Variants in ARHGEF4 observed in about 807,000 individuals in gnomAD.
The protein encoded by ARHGEF4 is Rho guanine nucleotide exchange factor 4, also known as APC-stimulated guanine nucleotide exchange factor 1.
A neutral mutation model predicts 162.0 loss-of-function variants in ARHGEF4; 119 were observed. The observed-to-expected ratio is 0.73, with a 90% CI of 0.63 to 0.86. ARHGEF4 has a LOEUF of 0.86. ARHGEF4 is among the 40% of genes least tolerant of loss of function. The pLI, the probability that ARHGEF4 is intolerant of heterozygous loss-of-function variation, is 0.00. For synonymous variants in ARHGEF4, 1,014 were observed against 979.9 expected (o/e 1.03, Z -0.65); for missense variants, 2,488 against 2,456.0 (o/e 1.01, Z -0.28).
chr2:130,937,583 A>C (rs1683036751), intron 3 of ARHGEF4, among the ~76,000 whole-genome samples: 1 of 152,060 alleles, frequency 6.6e-6, no homozygotes, highest in South Asian at 2.1e-4. Context: ...TCTAGTAAGA[A>C]GACCCTGTGC....
intron 5 of ARHGEF4, among the ~76,000 whole-genome samples, chr2:131,034,193 T>C (rs1690062550): frequency 6.6e-6 from 1 of 152,176 alleles, no homozygotes; most frequent in Non-Finnish European, 1.5e-5. Context: ...GGAACTCTTC[T>C]TGCTCCAGGA....
intron 4 of ARHGEF4, among the ~76,000 whole-genome samples, chr2:130,981,760 G>A (rs1686138371): frequency 6.6e-6 from 1 of 151,972 alleles, no homozygotes; most frequent in Non-Finnish European, 1.5e-5. Flanking sequence ...GTTACCCAGA[G>A]TCAAGAAAAC....
At chr2:130,893,893 G>A (rs1680005403) in intron 1 of ARHGEF4, among the ~76,000 whole-genome samples, 1 of 152,212 alleles carries the variant, frequency 6.6e-6, no homozygotes, top group South Asian at 2.1e-4. Flanking sequence ...CTTGTGCCTG[G>A]GAAGAGACAA....
At chr2:131,015,919 C>T (rs1244514802) in intron 4 of ARHGEF4, among the ~76,000 whole-genome samples, 2 of 152,258 alleles carry the variant, frequency 1.3e-5, no homozygotes, top group East Asian at 3.8e-4. Context: ...TAGGGCCACA[C>T]CCGGACACGT....
In ARHGEF4 at chr2:131,046,360, T is replaced by C. The variant is rs946335697; in HGVS notation, c.*171T>C. 1.5e-6 allele frequency: 1 copy of C among 689,310 alleles called. No individual in the cohort carries two copies. Among genetic ancestry groups the C allele is most frequent in the Non-Finnish European group, 2.4e-6 (1 of 419,892 alleles). 42.7% of individuals were successfully genotyped at this position (689,310 alleles called of 1,614,324 possible). ...CAGGTCTGTACTCCTGTTGTCTTTT[T>C]CCCTGCTCCTGGTGCCCTGAAGAGA... On this transcript the variant is annotated 3_prime_UTR_variant, in exon 14 of 14. Transcript: ENST00000409359.
intron 1 of ARHGEF4, among the ~76,000 whole-genome samples, chr2:130,874,422 C>T (rs1273729816): frequency 2.6e-5 from 4 of 152,240 alleles, no homozygotes; most frequent in Admixed American, 6.5e-5. Flanking sequence ...GTGCTCAGCA[C>T]GCCTCTGTCT....
intron 1 of ARHGEF4, among the ~76,000 whole-genome samples, chr2:130,886,470 G>A (rs1679527399): frequency 6.6e-6 from 1 of 151,844 alleles, no homozygotes; most frequent in Non-Finnish European, 1.5e-5. Flanking sequence ...ATGAGGTCAG[G>A]AGATCGAGAC....
intron 4 of ARHGEF4, among the ~76,000 whole-genome samples, chr2:130,994,404 TCA>T (rs1687246355): frequency 2.0e-5 from 3 of 152,236 alleles, no homozygotes; most frequent in South Asian, 4.1e-4. Context: ...AGAAATTAAA[TCA>T]TGTGGGCAGA....
In ARHGEF4 at chr2:130,917,514, G is replaced by A; in HGVS notation, c.3552+16G>A. On this transcript the variant is annotated intron_variant, in intron 2 of 13. Transcript: ENST00000409359. ...TGGGAGTGAGGTGAGTATCTGAATC[G>A]CACCAAGCCTTTCCTGACCTCTGCA... is the stretch of plus-strand genomic sequence containing the variant. 5.2e-6 allele frequency: 8 copies of A among 1,539,454 alleles called. No homozygotes were observed. Among genetic ancestry groups the A allele is most frequent in the African/African-American group, 1.4e-5 (1 of 72,708 alleles).
At chr2:130,846,948 G>C (rs756158473) in intron 1 of ARHGEF4, among the ~76,000 whole-genome samples, 3 of 152,218 alleles carry the variant, frequency 2.0e-5, no homozygotes, top group Non-Finnish European at 2.9e-5. Flanking sequence ...TACACAGAGT[G>C]TGTTTCCACT....
intron 3 of ARHGEF4, 77 bp from the exon 4 acceptor site, chr2:130,946,432 G>A: frequency 6.6e-7 from 1 of 1,518,786 alleles, no homozygotes; most frequent in South Asian, 1.3e-5. Flanking sequence ...TCAGCAATTA[G>A]AAAGACTGCA....
chr2:130,943,588 T>C (rs1192098390), intron 3 of ARHGEF4, among the ~76,000 whole-genome samples: 1 of 152,168 alleles, frequency 6.6e-6, no homozygotes, highest in Non-Finnish European at 1.5e-5. Context: ...CTTTTAAATA[T>C]ATTTCTTTGT....
chr2:131,045,484 T>C, intron 13 of ARHGEF4, 38 bp downstream of exon 13: 1 of 1,613,516 alleles, frequency 6.2e-7, no homozygotes, highest in South Asian at 1.1e-5. Context: ...GGCTGCCCGG[T>C]CCTTACCCTG....
intron 3 of ARHGEF4, among the ~76,000 whole-genome samples, chr2:130,933,636 T>C (rs1217851277): frequency 1.3e-5 from 2 of 152,226 alleles, no homozygotes; most frequent in South Asian, 2.1e-4. Context: ...GTAAAAAGTC[T>C]TGCACATCCT....
rs933737796 is a variant in ARHGEF4 at position 130,986,584 on chromosome 2, A to T, written c.3985+39949A>T. Among the ~76,000 whole-genome samples, 4 of 152,190 alleles carry T rather than the reference A, an allele frequency of 2.6e-5. No homozygotes were observed. In the South Asian group the frequency reaches 6.2e-4, roughly 24 times the overall value. The stretch of plus-strand genomic sequence containing the variant: ...AGGGATCTGCGCCGCCTGGTGTGAG[A>T]GTGCAGCTGTTCTGTACACAGGAGG... On this transcript the variant is annotated intron_variant, in intron 4 of 13. Transcript: ENST00000409359.
intron 4 of ARHGEF4, among the ~76,000 whole-genome samples, chr2:130,966,364 C>T (rs965197419): frequency 2.6e-5 from 4 of 152,156 alleles, no homozygotes; most frequent in Non-Finnish European, 5.9e-5. Context: ...TATTTCCTGT[C>T]CCTGGGAGGA....
intron 4 of ARHGEF4, among the ~76,000 whole-genome samples, chr2:130,995,434 A>G (rs72614457): frequency 0.026 from 4,011 of 152,200 alleles, 157 homozygotes; most frequent in East Asian, 0.21. Context: ...GCCCGCGAGT[A>G]TATTAGTGCT....
At chr2:130,952,893 A>G (rs940957183) in intron 4 of ARHGEF4, among the ~76,000 whole-genome samples, 2 of 152,220 alleles carry the variant, frequency 1.3e-5, no homozygotes, top group Non-Finnish European at 1.5e-5. Flanking sequence ...CCACTGCTCA[A>G]TGAAATAAAA....
Position 131,046,480 on chromosome 2 carries a change from G to C in ARHGEF4, c.*291G>C, listed in dbSNP as rs1018998147. 2 of 359,656 alleles carry C rather than the reference G, an allele frequency of 5.6e-6. No individual in the cohort carries two copies. Among genetic ancestry groups the C allele is most frequent in the African/African-American group, 4.2e-5 (2 of 47,894 alleles). 22.3% of individuals were successfully genotyped at this position (359,656 alleles called of 1,614,324 possible). On this transcript the variant is annotated 3_prime_UTR_variant, in exon 14 of 14. Transcript: ENST00000409359. ...CTGTGTAGGGCCTCACTGCTGGAGC[G>C]GGGAAACCGCAGCTCAGCCCAGGCC...
Sources: allele counts gnomAD v4.1 joint callset (sites outside exome capture counted in the v4.1 genomes callset), GRCh38; gene constraint gnomAD v4.1.1; transcripts MANE v1.5; gene names NCBI Gene and HGNC (gene_info 2026-07-23, HGNC 2026-07-21).